TF: variants seen among roughly 807,000 people sequenced by gnomAD.
The protein encoded by TF is transferrin.
In TF, 55 loss-of-function variants were observed where a neutral mutation model predicts 82.4. The observed-to-expected ratio is 0.67, with a 90% CI of 0.54 to 0.84. The LOEUF is 0.84. Among genes scored for constraint, TF ranks in the 40% least tolerant of loss-of-function variants. The pLI, the probability that TF is intolerant of heterozygous loss-of-function variation, is 0.00. For synonymous variants in TF, 332 were observed against 332.6 expected, an observed-to-expected ratio of 1.00 and a Z score of 0.02; for missense variants, 737 against 868.4, an observed-to-expected ratio of 0.85 and a Z score of 1.90.
chr3:133,753,617 C>T lies in TF; in HGVS notation c.239C>T (p.Thr80Ile). The T allele has an allele frequency of 6.2e-7, 1 of 1,614,174 alleles. No homozygotes were observed. The highest frequency in any genetic ancestry group is 8.5e-7 in the Non-Finnish European group (1 of 1,180,022). Residue 80 changes from threonine (T) to isoleucine (I), a missense_variant, in exon 3 of 17, where the codon ACA (threonine) becomes ATA (isoleucine). Transcript: ENST00000402696. ...AIAANEADAV[T>I]LDAGLVYDAY... ...CAGGCAAACGAAGCGGATGCTGTGACACTGGATGCAGGTTTGGTGTATGAT... is the reference window on the plus strand; with the variant it reads ...CAGGCAAACGAAGCGGATGCTGTGATACTGGATGCAGGTTTGGTGTATGAT...
At position 133,758,250 on chromosome 3, in the gene TF, T is replaced by C. The variant is rs892399168; in HGVS notation, c.1048+304T>C. Among the ~76,000 whole-genome samples, 3 of 152,120 alleles carry C rather than the reference T, an allele frequency of 2.0e-5. No individual in the cohort carries two copies. The East Asian group carries it at 5.8e-4, about 29-fold the overall frequency. ...TGAAGGCAATTAGCTTATCACAGAG[T>C]AAGTGAAATAGAACAAAATTGCTAT... is the stretch of plus-strand genomic sequence containing the variant. On this transcript the variant is annotated intron_variant, in intron 8 of 16. Coordinates refer to ENST00000402696, the MANE Select transcript of TF (RefSeq NM_001063.4).
chr3:133,751,325 C>T (rs984377469), intron 2 of TF, among the ~76,000 whole-genome samples: 23 of 150,496 alleles, frequency 1.5e-4, no homozygotes, highest in Admixed American at 5.3e-4. Context: ...CTCCGCCTCC[C>T]GGGTTCACGC....
rs1455656041 is a variant in TF, at chr3:133,783,684, A to G, written c.*5064A>G. 1 of 152,274 alleles carries G rather than the reference A, an allele frequency of 6.6e-6. No homozygotes were observed. Among genetic ancestry groups the G allele is most frequent in the African/African-American group, 2.4e-5 (1 of 41,476 alleles). 9.4% of individuals were successfully genotyped at this position (152,274 alleles called of 1,614,324 possible). Reference sequence around the variant, plus strand: ...AAGGGCTAATCTATATTTTGAAATCAGTATAAAAAGACGAACAGAATTTGA... The same window carrying G: ...AAGGGCTAATCTATATTTTGAAATCGGTATAAAAAGACGAACAGAATTTGA... On this transcript the variant is annotated 3_prime_UTR_variant, in exon 17 of 17. Coordinates refer to ENST00000402696, the MANE Select transcript of TF (RefSeq NM_001063.4).
chr3:133,746,416 C>T lies in TF; in HGVS notation c.-25C>T, dbSNP rs779832047. 1.3e-6 allele frequency: 2 copies of T among 1,591,520 alleles called. No homozygotes were observed. The highest frequency in any genetic ancestry group is 2.3e-5 in the East Asian group (1 of 43,570). On this transcript the variant is annotated 5_prime_UTR_variant, in exon 1 of 17. Transcript: ENST00000402696. ...GCACAGAAGCGAGTCCGACTGTGCT[C>T]GCTGCTCAGCGCCGCACCCGGAAGA...
chr3:133,680,126 T>TCCATCATAAA, the TF span, among the ~76,000 whole-genome samples: 1 of 152,220 alleles, frequency 6.6e-6, no homozygotes, highest in African/African-American at 2.4e-5. Context: ...ATGATGTTTC[T>TCCATCATAAA]ATGTGAAATT....
chr3:133,756,461 G>C, intron 6 of TF, 124 bp downstream of exon 6: 2 of 1,150,890 alleles, frequency 1.7e-6, no homozygotes, highest in Non-Finnish European at 2.6e-6. Flanking sequence ...TCATTGCCTG[G>C]GTTTCCACCT....
intron 8 of TF, 59 bp downstream of exon 8, chr3:133,758,005 G>A: frequency 6.4e-7 from 1 of 1,573,610 alleles, no homozygotes; most frequent in Non-Finnish European, 8.7e-7. Context: ...GTGAGCACAG[G>A]GGCCAGAGAT....
At chr3:133,678,496 A>G in the TF span, among the ~76,000 whole-genome samples, 1 of 152,036 alleles carries the variant, frequency 6.6e-6, no homozygotes, top group Non-Finnish European at 1.5e-5. Context: ...AAGCATTCCT[A>G]TTTTTCCACA....
the TF span, among the ~76,000 whole-genome samples, chr3:133,697,272 A>G: frequency 2.0e-5 from 3 of 149,212 alleles, no homozygotes; most frequent in African/African-American, 7.4e-5. Context: ...TTATTATTAC[A>G]CATTGACTAC....
At chr3:133,754,437 T>G in intron 3 of TF, 58 bp from the exon 4 acceptor site, 5 of 1,566,712 alleles carry the variant, frequency 3.2e-6, no homozygotes, top group Non-Finnish European at 3.5e-6. Context: ...CCGGTGGTGA[T>G]GAGCCATGTT....
At chr3:133,719,942 T>G in the TF span, among the ~76,000 whole-genome samples, 1 of 152,222 alleles carries the variant, frequency 6.6e-6, no homozygotes, top group East Asian at 1.9e-4. Flanking sequence ...GATTTTTGTA[T>G]GCTGATTTCA....
chr3:133,723,644 T>TTATTATTAC, the TF span, among the ~76,000 whole-genome samples: 41,046 of 145,804 alleles, frequency 0.28, 6,066 homozygotes, highest in South Asian at 0.41. Context: ...TCTTTTATTA[T>TTATTATTAC]TATTATTATT....
chr3:133,777,881 A>G (rs896283238), intron 16 of TF: 1 of 157,288 alleles, frequency 6.4e-6, no homozygotes, highest in Non-Finnish European at 1.4e-5. Flanking sequence ...GTTGGGTGTA[A>G]CTGAGTCACC....
the TF span, among the ~76,000 whole-genome samples, chr3:133,710,794 C>A: frequency 6.6e-6 from 1 of 152,078 alleles, no homozygotes; most frequent in East Asian, 1.9e-4. Flanking sequence ...TAAAATTGGC[C>A]CCCCCACAAC....
At chr3:133,668,137 C>T in the TF span, among the ~76,000 whole-genome samples, 2 of 152,184 alleles carry the variant, frequency 1.3e-5, no homozygotes, top group African/African-American at 2.4e-5. Context: ...ACAATTACCA[C>T]GTGAAACTGA....
At chr3:133,671,800 A>T in the TF span, among the ~76,000 whole-genome samples, 6 of 151,548 alleles carry the variant, frequency 4.0e-5, no homozygotes, top group Non-Finnish European at 8.8e-5. Flanking sequence ...CAAAAGAAAA[A>T]AAAAAAAAAA....
At chr3:133,674,916 C>T in the TF span, among the ~76,000 whole-genome samples, 4 of 152,078 alleles carry the variant, frequency 2.6e-5, no homozygotes, top group Admixed American at 6.6e-5. Context: ...GTTGTATACA[C>T]CCAGATGAGA....
the TF span, among the ~76,000 whole-genome samples, chr3:133,710,724 C>G: frequency 6.6e-6 from 1 of 152,224 alleles, no homozygotes; most frequent in South Asian, 2.1e-4. Context: ...TATTACTTCT[C>G]CTTCTGGTGT....
chr3:133,747,855 C>A (rs1933546157), intron 1 of TF, among the ~76,000 whole-genome samples: 1 of 152,066 alleles, frequency 6.6e-6, no homozygotes, highest in South Asian at 2.1e-4. Context: ...CTTTTGTGCC[C>A]TGAGTAGCAG....
Sources: allele counts gnomAD v4.1 joint callset (sites outside exome capture counted in the v4.1 genomes callset), GRCh38; gene constraint gnomAD v4.1.1; transcripts MANE v1.5; gene names NCBI Gene and HGNC (gene_info 2026-07-23, HGNC 2026-07-21).